The following ZC3H7B variants were observed in gnomAD, a reference collection of about 807,000 sequenced individuals.
ZC3H7B encodes zinc finger CCCH domain-containing protein 7B.
Under a neutral mutation model 116.0 loss-of-function variants are expected in ZC3H7B, and 35 were observed. The ratio of observed to expected loss-of-function variants is 0.30; its 90% confidence interval spans 0.23 to 0.40. The LOEUF (loss-of-function observed/expected upper bound fraction) is 0.40, where lower values mean the gene tolerates loss of function less well. Ranked by LOEUF, ZC3H7B falls within the 10% of genes least tolerant of loss-of-function variation. ZC3H7B has a pLI of 1.00. For synonymous variants in ZC3H7B, 502 were observed against 545.6 expected, an observed-to-expected ratio of 0.92 and a Z score of 1.11; for missense variants, 1,011 against 1,321.5, an observed-to-expected ratio of 0.77 and a Z score of 3.64.
chr22:41,326,238 C>T (rs775498098), intron 4 of ZC3H7B, among the ~76,000 whole-genome samples: 8 of 151,492 alleles, frequency 5.3e-5, no homozygotes, highest in Non-Finnish European at 3.0e-5. Flanking sequence ...TCTGACTTCT[C>T]CTGCTCCTCC....
rs569513580 is a variant in ZC3H7B at position 41,338,471 on chromosome 22, C to T, written c.625+116C>T. 7 of 1,029,868 alleles carry T rather than the reference C, an allele frequency of 6.8e-6. No homozygotes were observed. Among genetic ancestry groups the T allele is most frequent in the Non-Finnish European group, 8.7e-6 (6 of 687,188 alleles). 63.8% of individuals were successfully genotyped at this position (1,029,868 alleles called of 1,614,324 possible). A position where few individuals can be genotyped will look rare whatever the true frequency, so the allele number is the denominator to read the frequency against. On this transcript the variant is annotated intron_variant, in intron 8 of 22. Transcript: ENST00000352645. The surrounding 1 kb of genome is among the most constrained non-coding windows in gnomAD (Gnocchi z 4.5). ...GGGAGGGCCTCCGAGGGGTTCCCCA[C>T]CCTGGTACTCCCTGAGGCATGGGAG...
At position 41,339,239 on chromosome 22, in the gene ZC3H7B, T is replaced by C. The variant is rs774116920; in HGVS notation, c.816+48T>C. The C allele has an allele frequency of 1.7e-5, 27 of 1,549,176 alleles. No homozygotes were observed. In the South Asian group the frequency reaches 3.1e-4, roughly 18 times the overall value. ...TGCTCCCCTGATCCCCTCTCCCCGC[T>C]GTGTCCCCATTGTCCCAGGGGTGGA... On this transcript the variant is annotated intron_variant, in intron 9 of 22. Coordinates refer to ENST00000352645, the MANE Select transcript of ZC3H7B (RefSeq NM_017590.6).
intron 1 of ZC3H7B, among the ~76,000 whole-genome samples, chr22:41,312,646 G>A (rs1569230346): frequency 6.6e-6 from 1 of 151,764 alleles, no homozygotes; most frequent in South Asian, 2.1e-4. Flanking sequence ...GGTGGCTCAC[G>A]CCTGTACTCC....
intron 1 of ZC3H7B, among the ~76,000 whole-genome samples, chr22:41,316,691 T>C (rs1340197743): frequency 6.9e-6 from 1 of 144,428 alleles, no homozygotes. Context: ...CTTAACTTCC[T>C]GGGCTCAGTT....
intron 7 of ZC3H7B, 42 bp downstream of exon 7, chr22:41,332,269 A>T: frequency 6.2e-7 from 1 of 1,610,912 alleles, no homozygotes; most frequent in Non-Finnish European, 8.5e-7. Context: ...TTTATCCATT[A>T]TGAGAGGTTT....
intron 7 of ZC3H7B, 28 bp downstream of exon 7, chr22:41,332,255 T>G: frequency 1.2e-6 from 2 of 1,613,492 alleles, no homozygotes; most frequent in Non-Finnish European, 1.7e-6. Flanking sequence ...CCAACCTGTC[T>G]CAGTTTATCC....
rs1307638170 is a variant in ZC3H7B at position 41,339,284 on chromosome 22, T to G, written c.816+93T>G. The G allele has an allele frequency of 2.1e-6, 3 of 1,439,984 alleles. No homozygotes were observed. The African/African-American group carries it at 4.3e-5, about 20-fold the overall frequency. 89.2% of individuals were successfully genotyped at this position (1,439,984 alleles called of 1,614,324 possible). A position where few individuals can be genotyped will look rare whatever the true frequency, so the allele number is the denominator to read the frequency against. On this transcript the variant is annotated intron_variant, in intron 9 of 22. Coordinates refer to ENST00000352645, the MANE Select transcript of ZC3H7B (RefSeq NM_017590.6). ...GGTGGAGGGAAGGCCCCAATGCTCA[T>G]GTCATGTGTCTCAGGAGGAGGCCTC...
chr22:41,322,762 A>G (rs1034995542), intron 2 of ZC3H7B, among the ~76,000 whole-genome samples: 2 of 151,666 alleles, frequency 1.3e-5, no homozygotes, highest in African/African-American at 2.4e-5. Context: ...TATACTCCCC[A>G]CTTTTGTTCT....
chr22:41,326,812 C>T (rs970979369), intron 4 of ZC3H7B, among the ~76,000 whole-genome samples: 3 of 152,252 alleles, frequency 2.0e-5, no homozygotes, highest in African/African-American at 7.2e-5. Context: ...CTTGTACACT[C>T]TGCACACAGA....
chr22:41,325,938 T>G lies in ZC3H7B; in HGVS notation c.285+20T>G, dbSNP rs748736334. 5 of 1,586,962 alleles carry G rather than the reference T, an allele frequency of 3.2e-6. No homozygotes were observed. In the Admixed American group the frequency reaches 7.2e-5, roughly 23 times the overall value. ...ACCATGGTGAGCCTGGCACCCTCTT[T>G]TCTCTCCTCCTCTGCTGCCCTGATC... On this transcript the variant is annotated intron_variant, in intron 4 of 22. Transcript: ENST00000352645.
intron 16 of ZC3H7B, among the ~76,000 whole-genome samples, chr22:41,350,440 G>A (rs934234755): frequency 2.0e-5 from 3 of 152,172 alleles, no homozygotes; most frequent in African/African-American, 7.2e-5. Context: ...TGGAGATCGA[G>A]GAGCAAGGGC....
chr22:41,332,251 T>C, intron 7 of ZC3H7B, 24 bp downstream of exon 7: 6 of 1,613,728 alleles, frequency 3.7e-6, no homozygotes, highest in Non-Finnish European at 5.1e-6. Context: ...TGAACCAACC[T>C]GTCTCAGTTT....
intron 1 of ZC3H7B, among the ~76,000 whole-genome samples, chr22:41,314,633 G>A (rs906799574): frequency 5.4e-5 from 8 of 146,986 alleles, no homozygotes; most frequent in African/African-American, 1.3e-4. Context: ...TTTTTGAGAC[G>A]GAGTCTTGCT....
At chr22:41,319,406 AAAAC>A (rs2036226425) in intron 1 of ZC3H7B, among the ~76,000 whole-genome samples, 1 of 151,888 alleles carries the variant, frequency 6.6e-6, no homozygotes, top group East Asian at 1.9e-4. Flanking sequence ...CTCTCAAAAA[AAAAC>A]AAAGCAAAAA....
chr22:41,305,761 G>A (rs1205298214), intron 1 of ZC3H7B, among the ~76,000 whole-genome samples: 1 of 152,156 alleles, frequency 6.6e-6, no homozygotes, highest in Non-Finnish European at 1.5e-5. Context: ...CTGGGTGCCG[G>A]CCCAGCACCC....
At chr22:41,334,262 C>G (rs2036415681) in intron 7 of ZC3H7B, 1 of 152,294 alleles carries the variant, frequency 6.6e-6, no homozygotes, top group Non-Finnish European at 1.5e-5. Flanking sequence ...AAGGTAGCGT[C>G]TCATCACAGC....
At position 41,325,801 on chromosome 22, in the gene ZC3H7B, G is replaced by T. The variant is rs762077223; in HGVS notation, c.168G>T (p.Leu56=). ...LFREKDYKQA[L]VQYMEGLNVA... is the part of the protein sequence containing the mutation. ...GGGAGAAGGACTATAAGCAGGCTCT[G>T]GTGCAGTACATGGAAGGGCTGAACG... is the stretch of plus-strand genomic sequence containing the variant. The change falls in exon 4 of 23, where the codon CTG becomes CTT. Residue 56 remains leucine (L), a synonymous_variant. Transcript: ENST00000352645. 6.2e-7 allele frequency: 1 copy of T among 1,613,836 alleles called. No homozygotes were observed. Among genetic ancestry groups the T allele is most frequent in the South Asian group, 1.1e-5 (1 of 91,008 alleles).
chr22:41,304,793 C>G (rs1448321530), intron 1 of ZC3H7B, among the ~76,000 whole-genome samples: 1 of 152,196 alleles, frequency 6.6e-6, no homozygotes, highest in Non-Finnish European at 1.5e-5. Flanking sequence ...GCATTATAAT[C>G]TCCATTTCAC....
In ZC3H7B at chr22:41,357,313, T is replaced by C. The variant is rs776667239; in HGVS notation, c.2818T>C (p.Cys940Arg). The change falls in exon 23 of 23, where the codon TGC becomes CGC. Residue 940 changes from cysteine to arginine, a missense_variant. Physicochemically the swap from Cys to Arg is radical, Grantham distance 180. Coordinates refer to ENST00000352645, the MANE Select transcript of ZC3H7B (RefSeq NM_017590.6). This position sits in a 1 kb window ranked among gnomAD's most constrained non-coding sequence, Gnocchi z 5.4. ...CAAGGCTCGCAAGGACATGCTGCTG[T>C]GCCCACGGGACGACGACTTTGGCAA... ...LAKARKDMLL[C>R]PRDDDFGKYN... is the part of the protein sequence containing the mutation. 6.2e-7 allele frequency: 1 copy of C among 1,613,790 alleles called. No homozygotes were observed. Among genetic ancestry groups the C allele is most frequent in the East Asian group, 2.2e-5 (1 of 44,886 alleles).
Sources: allele counts gnomAD v4.1 joint callset (sites outside exome capture counted in the v4.1 genomes callset), GRCh38; gene constraint gnomAD v4.1.1; non-coding constraint Gnocchi (gnomAD v3.1); transcripts MANE v1.5; gene names NCBI Gene and HGNC (gene_info 2026-07-23, HGNC 2026-07-21).